ETV6: variants seen among roughly 807,000 people sequenced by gnomAD.
ETV6 encodes the protein transcription factor ETV6.
In ETV6, 16 loss-of-function variants were observed where a neutral mutation model predicts 51.1. That is an observed-to-expected ratio of 0.31 (90% CI 0.21 to 0.48). The LOEUF is 0.48. ETV6 is among the 20% of genes least tolerant of loss of function. The probability of loss-of-function intolerance (pLI) is 0.99; values close to 1 mark genes in which losing one functional copy is unlikely to be tolerated. For synonymous variants in ETV6, 240 were observed against 224.1 expected (o/e 1.07, Z -0.64); for missense variants, 458 against 594.8 (o/e 0.77, Z 2.39).
chr12:11,742,772 A>G (rs867101422), intron 1 of ETV6, among the ~76,000 whole-genome samples: 1 of 149,726 alleles, frequency 6.7e-6, no homozygotes, highest in African/African-American at 2.4e-5. Flanking sequence ...AAAATATTTT[A>G]TAAGCTTCAT....
intron 1 of ETV6, chr12:11,751,296 A>T: frequency 3.9e-6 from 2 of 517,202 alleles, no homozygotes; most frequent in Non-Finnish European, 7.7e-6. Flanking sequence ...CAAAACGTAA[A>T]CACTGCCTTC....
chr12:11,742,524 A>C (rs1865828597), intron 1 of ETV6, among the ~76,000 whole-genome samples: 1 of 152,164 alleles, frequency 6.6e-6, no homozygotes, highest in Admixed American at 6.5e-5. Flanking sequence ...AGTATATAAG[A>C]TTGTTTGTAT....
intron 2 of ETV6, among the ~76,000 whole-genome samples, chr12:11,770,603 C>G (rs1041192554): frequency 3.9e-5 from 6 of 152,214 alleles, no homozygotes; most frequent in Non-Finnish European, 5.9e-5. Flanking sequence ...CCTTCCTCTA[C>G]TTATCTTCCA....
intron 1 of ETV6, among the ~76,000 whole-genome samples, chr12:11,721,745 G>T (rs552355262): frequency 1.3e-5 from 2 of 152,272 alleles, no homozygotes; most frequent in African/African-American, 2.4e-5. Context: ...ATTAAGCAAG[G>T]TAATATTTAT....
intron 1 of ETV6, among the ~76,000 whole-genome samples, chr12:11,673,603 G>A (rs1442284048): frequency 6.6e-6 from 1 of 152,136 alleles, no homozygotes; most frequent in African/African-American, 2.4e-5. Context: ...TTGGATGAGT[G>A]AATCATTCCT....
At chr12:11,674,867 T>C (rs1476377493) in intron 1 of ETV6, among the ~76,000 whole-genome samples, 1 of 152,060 alleles carries the variant, frequency 6.6e-6, no homozygotes, top group African/African-American at 2.4e-5. Context: ...TGTGTCCGGA[T>C]CCACCAATTC....
chr12:11,832,190 G>C (rs1040235993), intron 2 of ETV6, among the ~76,000 whole-genome samples: 1 of 152,210 alleles, frequency 6.6e-6, no homozygotes, highest in Non-Finnish European at 1.5e-5. Context: ...TCAGCCTGCT[G>C]ATGGGGTTGG....
intron 1 of ETV6, among the ~76,000 whole-genome samples, chr12:11,669,395 T>TCCC (rs1408869777): frequency 3.7e-5 from 1 of 27,090 alleles, no homozygotes; most frequent in Non-Finnish European, 8.6e-5. Flanking sequence ...CCCTCCCTCC[T>TCCC]TTCCTCCTTT....
At chr12:11,691,130 G>A (rs2120794229) in intron 1 of ETV6, among the ~76,000 whole-genome samples, 1 of 152,158 alleles carries the variant, frequency 6.6e-6, no homozygotes, top group Middle Eastern at 3.4e-3. Flanking sequence ...ATGGCAGAAG[G>A]GCGGGGAGCT....
intron 2 of ETV6, 151 bp downstream of exon 2, chr12:11,752,730 C>A: frequency 3.1e-6 from 3 of 972,184 alleles, no homozygotes; most frequent in East Asian, 2.7e-5. Context: ...CCCCCCTACC[C>A]CCAGATACCT....
chr12:11,652,096 T>C (rs1335311828), intron 1 of ETV6, among the ~76,000 whole-genome samples: 4 of 152,242 alleles, frequency 2.6e-5, no homozygotes, highest in Non-Finnish European at 5.9e-5. Context: ...CCTTATTGCT[T>C]ACAACTCAGT....
intron 5 of ETV6, 42 bp downstream of exon 5, chr12:11,870,011 CT>C (rs1288610875): frequency 8.4e-6 from 13 of 1,552,090 alleles, no homozygotes; most frequent in African/African-American, 2.7e-5. Flanking sequence ...TCATGGGGAC[CT>C]GACAAAGTCC....
chr12:11,655,593 T>C (rs1863985604), intron 1 of ETV6, among the ~76,000 whole-genome samples: 1 of 152,284 alleles, frequency 6.6e-6, no homozygotes. Flanking sequence ...GGCAAGAATG[T>C]GTTCCACATT....
At chr12:11,884,670 T>C in intron 6 of ETV6, 83 bp downstream of exon 6, 4 of 1,550,662 alleles carry the variant, frequency 2.6e-6, no homozygotes, top group Admixed American at 1.7e-5. Flanking sequence ...ATCGTCTGTC[T>C]TCTGCTTTTT....
intron 1 of ETV6, among the ~76,000 whole-genome samples, chr12:11,722,189 C>T (rs1299389987): frequency 2.0e-5 from 3 of 152,220 alleles, no homozygotes; most frequent in Admixed American, 2.0e-4. Context: ...ATTCTTCTCC[C>T]ACCAAGTCTT....
chr12:11,845,924 G>A (rs1266126876), intron 3 of ETV6, among the ~76,000 whole-genome samples: 8 of 151,536 alleles, frequency 5.3e-5, no homozygotes, highest in Non-Finnish European at 8.8e-5. Context: ...CCCAGGAGGC[G>A]GAGGTTGCAG....
chr12:11,674,595 G>A (rs1309942230), intron 1 of ETV6, among the ~76,000 whole-genome samples: 2 of 149,796 alleles, frequency 1.3e-5, no homozygotes, highest in Non-Finnish European at 3.0e-5. Flanking sequence ...AAGGCCCATA[G>A]GGGTTAATGT....
chr12:11,878,362 T>G (rs888810286), intron 5 of ETV6, among the ~76,000 whole-genome samples: 2 of 152,176 alleles, frequency 1.3e-5, no homozygotes, highest in African/African-American at 2.4e-5. Flanking sequence ...TTCCAGTTTG[T>G]GTAAGGGCGC....
In ETV6 at chr12:11,847,423, G is replaced by A. The variant is rs372971437; in HGVS notation, c.329-6004G>A. On this transcript the variant is annotated intron_variant, in intron 3 of 7. Transcript: ENST00000396373. ...GGAGTAGATTTAGCATAGACGAGCC[G>A]ATTGAAGCCATGGGAGTAGATGAGG... is the stretch of plus-strand genomic sequence containing the variant. Among the ~76,000 whole-genome samples, 8 of 152,212 alleles carry A rather than the reference G, an allele frequency of 5.3e-5. 1 individual carries two copies. The South Asian group carries it at 1.2e-3, about 24-fold the overall frequency.
Sources: gnomAD v4.1 joint callset for allele counts (sites outside exome capture counted in the v4.1 genomes callset) on GRCh38, gnomAD v4.1.1 for gene constraint, MANE v1.5 for transcripts, NCBI Gene and HGNC (gene_info 2026-07-23, HGNC 2026-07-21) for gene names.